The following PLPPR1 variants were observed in gnomAD, a reference collection of about 807,000 sequenced individuals.
PLPPR1 encodes phospholipid phosphatase-related protein type 1.
Under a neutral mutation model 33.1 loss-of-function variants are expected in PLPPR1, and 10 were observed. The ratio of observed to expected loss-of-function variants is 0.30; its 90% confidence interval spans 0.19 to 0.51. The LOEUF (loss-of-function observed/expected upper bound fraction) is 0.51. Ranked by LOEUF, PLPPR1 falls within the 20% of genes least tolerant of loss-of-function variation. The pLI is 0.97. For synonymous variants in PLPPR1, 151 were observed against 151.0 expected, an observed-to-expected ratio of 1.00 and a Z score of 0.00; for missense variants, 304 against 408.1, an observed-to-expected ratio of 0.74 and a Z score of 2.20.
chr9:101,055,256 G>A (rs1175242296), intron 1 of PLPPR1, among the ~76,000 whole-genome samples: 1 of 152,172 alleles, frequency 6.6e-6, no homozygotes, highest in East Asian at 1.9e-4. Flanking sequence ...GATCTAAATG[G>A]ATTAGTCTTT....
At chr9:101,287,883 A>C (rs1285314983) in intron 4 of PLPPR1, among the ~76,000 whole-genome samples, 1 of 152,162 alleles carries the variant, frequency 6.6e-6, no homozygotes, top group East Asian at 1.9e-4. Flanking sequence ...CCCCAGGAGT[A>C]ACGCATGCAC....
At chr9:101,145,118 A>C (rs2118639118) in intron 1 of PLPPR1, among the ~76,000 whole-genome samples, 1 of 152,288 alleles carries the variant, frequency 6.6e-6, no homozygotes, top group East Asian at 1.9e-4. Context: ...GGTGGATACC[A>C]GGGGCTGAGG....
intron 2 of PLPPR1, among the ~76,000 whole-genome samples, chr9:101,189,181 A>G (rs1262000192): frequency 3.3e-5 from 5 of 152,162 alleles, no homozygotes; most frequent in Non-Finnish European, 7.4e-5. Context: ...TGAGACATCA[A>G]TCAAATACAT....
At chr9:101,150,809 C>T (rs1831573849) in intron 1 of PLPPR1, among the ~76,000 whole-genome samples, 1 of 151,964 alleles carries the variant, frequency 6.6e-6, no homozygotes, top group Non-Finnish European at 1.5e-5. Flanking sequence ...ATATGACCTG[C>T]TTCTTTATGA....
chr9:101,270,255 T>C (rs1381912663), intron 3 of PLPPR1, among the ~76,000 whole-genome samples, 187 bp downstream of exon 3: 1 of 152,202 alleles, frequency 6.6e-6, no homozygotes, highest in African/African-American at 2.4e-5. Context: ...TTGTCTTGTA[T>C]GGGTGGCTTT....
intron 1 of PLPPR1, among the ~76,000 whole-genome samples, chr9:101,112,002 A>T (rs1831063158): frequency 6.6e-6 from 1 of 152,196 alleles, no homozygotes; most frequent in Non-Finnish European, 1.5e-5. Context: ...AATGTGCTTT[A>T]TTTAAACAAA....
intron 2 of PLPPR1, among the ~76,000 whole-genome samples, chr9:101,217,787 C>A (rs572987126): frequency 2.0e-5 from 3 of 152,114 alleles, no homozygotes; most frequent in African/African-American, 7.2e-5. Flanking sequence ...ATTGTCCAAC[C>A]TCAATAATTC....
intron 3 of PLPPR1, among the ~76,000 whole-genome samples, chr9:101,273,958 CTTTAT>C (rs1473377401): frequency 6.6e-6 from 1 of 152,184 alleles, no homozygotes; most frequent in Non-Finnish European, 1.5e-5. Flanking sequence ...GATAGGTCTT[CTTTAT>C]TTTAAGATTT....
intron 1 of PLPPR1, among the ~76,000 whole-genome samples, chr9:101,042,314 T>G (rs887033238): frequency 1.3e-5 from 2 of 152,142 alleles, no homozygotes; most frequent in African/African-American, 4.8e-5. Flanking sequence ...TTCCTTCAGG[T>G]GTTTTCTTGA....
At chr9:101,287,941 G>A (rs552753383) in intron 4 of PLPPR1, among the ~76,000 whole-genome samples, 37 of 152,260 alleles carry the variant, frequency 2.4e-4, no homozygotes, top group African/African-American at 7.2e-4. Context: ...ACTACTGTCC[G>A]ATCTATTTCC....
intron 2 of PLPPR1, among the ~76,000 whole-genome samples, chr9:101,236,667 T>A (rs756963371): frequency 6.6e-6 from 1 of 151,734 alleles, no homozygotes; most frequent in East Asian, 1.9e-4. Flanking sequence ...AGTGATATTT[T>A]GATACATGTA....
At chr9:101,113,804 G>T (rs1831087136) in intron 1 of PLPPR1, among the ~76,000 whole-genome samples, 1 of 151,920 alleles carries the variant, frequency 6.6e-6, no homozygotes, top group East Asian at 1.9e-4. Context: ...AAAGCAATTT[G>T]CATATTTCTG....
At chr9:101,122,990 C>T (rs547078133) in intron 1 of PLPPR1, among the ~76,000 whole-genome samples, 2 of 152,186 alleles carry the variant, frequency 1.3e-5, no homozygotes, top group African/African-American at 2.4e-5. Flanking sequence ...AAGCACTCTT[C>T]CCTTAGACCT....
At chr9:101,034,252 A>G (rs1888168) in intron 1 of PLPPR1, among the ~76,000 whole-genome samples, 40,404 of 151,842 alleles carry the variant, frequency 0.27, 6,479 homozygotes, top group East Asian at 0.65. Flanking sequence ...AGGAGAAAGG[A>G]TGCCTTTCTC....
rs1320847049 is a variant in PLPPR1 at position 101,296,252 on chromosome 9, C to G, written c.385+10016C>G. Among the ~76,000 whole-genome samples the G allele has an allele frequency of 3.3e-5, 5 of 151,598 alleles. No homozygotes were observed. In the East Asian group the frequency reaches 7.7e-4, roughly 23 times the overall value. On this transcript the variant is annotated intron_variant, in intron 4 of 7. Coordinates refer to ENST00000374874, the MANE Select transcript of PLPPR1 (RefSeq NM_207299.2). ...TGCAAATCAAAACCACAATGAGATA[C>G]CATCTCACACCAGTTAGAATGGCAA...
intron 2 of PLPPR1, among the ~76,000 whole-genome samples, chr9:101,242,046 G>T (rs1257555340): frequency 6.6e-6 from 1 of 151,972 alleles, no homozygotes; most frequent in Non-Finnish European, 1.5e-5. Flanking sequence ...ATCTACCAGG[G>T]AATCCAAAAT....
chr9:101,210,019 T>TGTAA (rs1231524398), intron 2 of PLPPR1, among the ~76,000 whole-genome samples: 1 of 152,224 alleles, frequency 6.6e-6, no homozygotes, highest in Non-Finnish European at 1.5e-5. Flanking sequence ...TTCATAACCT[T>TGTAA]GTAAGTTTCC....
In PLPPR1 at chr9:101,161,205, A is replaced by G. The variant is rs575576259; in HGVS notation, c.-45-24245A>G. 6.0e-4 allele frequency among the ~76,000 whole-genome samples: 91 copies of G among 152,296 alleles called. 1 individual carries two copies. The highest frequency in any genetic ancestry group is 7.4e-5 in the Non-Finnish European group (5 of 68,008). Reference sequence around the variant, plus strand: ...GTATTTTGTTCACTGCAGGTGTTCAAATATAGGCTCAATATATAGTAGTTA... The same window carrying G: ...GTATTTTGTTCACTGCAGGTGTTCAGATATAGGCTCAATATATAGTAGTTA... On this transcript the variant is annotated intron_variant, in intron 1 of 7. Coordinates refer to ENST00000374874, the MANE Select transcript of PLPPR1 (RefSeq NM_207299.2).
intron 2 of PLPPR1, among the ~76,000 whole-genome samples, chr9:101,202,490 A>G (rs577056113): frequency 1.2e-4 from 18 of 152,282 alleles, no homozygotes; most frequent in Middle Eastern, 3.4e-3. Context: ...ATATCCCTCA[A>G]GGCTTGCTAT....
Sources: gnomAD v4.1 joint callset for allele counts (sites outside exome capture counted in the v4.1 genomes callset) on GRCh38, gnomAD v4.1.1 for gene constraint, MANE v1.5 for transcripts, NCBI Gene and HGNC (gene_info 2026-07-23, HGNC 2026-07-21) for gene names.